The following AKT3 variants were observed in gnomAD, a reference collection of about 807,000 sequenced individuals.
AKT3 encodes the protein RAC-gamma serine/threonine-protein kinase.
A neutral mutation model predicts 65.3 loss-of-function variants in AKT3; 15 were observed. The ratio of observed to expected loss-of-function variants is 0.23; its 90% CI spans 0.15 to 0.35. The LOEUF (loss-of-function observed/expected upper bound fraction) is 0.35. AKT3 is among the 10% of genes least tolerant of loss of function. AKT3 has a pLI of 1.00. For synonymous variants in AKT3, 206 were observed against 183.8 expected, an observed-to-expected ratio of 1.12 and a Z score of -0.98; for missense variants, 243 against 576.5, an observed-to-expected ratio of 0.42 and a Z score of 5.92.
intron 2 of AKT3, among the ~76,000 whole-genome samples, chr1:243,707,433 T>C (rs550763005): frequency 1.3e-5 from 2 of 152,142 alleles, no homozygotes; most frequent in South Asian, 2.1e-4. Flanking sequence ...AGTGAAAGAC[T>C]GACAATACCA....
intron 2 of AKT3, among the ~76,000 whole-genome samples, chr1:243,805,221 C>T (rs1257662122): frequency 5.3e-5 from 8 of 152,240 alleles, no homozygotes; most frequent in Admixed American, 3.9e-4. Flanking sequence ...ATTCTTCCTT[C>T]CCTCTGCTCA....
intron 6 of AKT3, among the ~76,000 whole-genome samples, chr1:243,619,353 A>G (rs1343933465): frequency 6.6e-6 from 1 of 152,146 alleles, no homozygotes; most frequent in Admixed American, 6.6e-5. Flanking sequence ...ACTTTTCTTT[A>G]TGCTGGAGAC....
At chr1:243,831,463 G>C (rs1324219028) in intron 2 of AKT3, among the ~76,000 whole-genome samples, 1 of 151,774 alleles carries the variant, frequency 6.6e-6, no homozygotes, top group Non-Finnish European at 1.5e-5. Flanking sequence ...AAGACAGAGG[G>C]GAAAAAACAT....
intron 2 of AKT3, chr1:243,808,341 T>C (rs958881390): frequency 6.6e-6 from 1 of 152,172 alleles, no homozygotes; most frequent in African/African-American, 2.4e-5. Flanking sequence ...TTAAAGGACC[T>C]GATGGAGCTG....
chr1:243,534,662 C>T (rs915928148), intron 12 of AKT3, among the ~76,000 whole-genome samples: 2 of 152,108 alleles, frequency 1.3e-5, no homozygotes, highest in African/African-American at 4.8e-5. Flanking sequence ...TCTCAGACCA[C>T]AATGAAATTA....
chr1:243,563,692 C>A, intron 10 of AKT3, 28 bp downstream of exon 10: 1 of 1,581,678 alleles, frequency 6.3e-7, no homozygotes, highest in Admixed American at 1.9e-5. Flanking sequence ...GTCAATGTTA[C>A]TTTCCTATTA....
intron 2 of AKT3, among the ~76,000 whole-genome samples, chr1:243,699,093 G>C (rs1285642002): frequency 1.3e-5 from 2 of 152,058 alleles, no homozygotes; most frequent in Non-Finnish European, 2.9e-5. Context: ...GAAAGTCCTA[G>C]CTTTTATGAG....
chr1:243,766,800 GAATA>G (rs1689857515), intron 2 of AKT3, among the ~76,000 whole-genome samples: 1 of 152,156 alleles, frequency 6.6e-6, no homozygotes, highest in Non-Finnish European at 1.5e-5. Flanking sequence ...TATTTTGAAG[GAATA>G]ATTAACAGTA....
chr1:243,658,162 A>C (rs1281962582), intron 4 of AKT3, among the ~76,000 whole-genome samples: 1 of 152,158 alleles, frequency 6.6e-6, no homozygotes, highest in Admixed American at 6.5e-5. Flanking sequence ...ACAAAACAGA[A>C]AACTACAGAA....
chr1:243,795,493 A>T (rs1405859286), intron 2 of AKT3, among the ~76,000 whole-genome samples: 2 of 78,596 alleles, frequency 2.5e-5, no homozygotes, highest in African/African-American at 9.6e-5. Context: ...TTTTTTTGAG[A>T]CGGAGTCTCG....
chr1:243,684,666 T>C (rs2147987873), intron 3 of AKT3, among the ~76,000 whole-genome samples: 1 of 152,332 alleles, frequency 6.6e-6, no homozygotes, highest in African/African-American at 2.4e-5. Context: ...CCTTTGGGTG[T>C]ATACCCAGTA....
chr1:243,617,010 T>C (rs1014518144), intron 6 of AKT3, among the ~76,000 whole-genome samples: 3 of 152,152 alleles, frequency 2.0e-5, no homozygotes, highest in Non-Finnish European at 4.4e-5. Flanking sequence ...AACTTACTGA[T>C]TTCCATATAC....
In AKT3 at chr1:243,658,006, A is replaced by G. The variant is rs557499134; in HGVS notation, c.284+6766T>C. Among the ~76,000 whole-genome samples the G allele has an allele frequency of 2.6e-5, 4 of 152,278 alleles. No individual in the cohort carries two copies. The East Asian group carries it at 5.8e-4, about 22-fold the overall frequency. On this transcript the variant is annotated intron_variant, in intron 4 of 13. Coordinates refer to ENST00000673466, the MANE Select transcript of AKT3 (RefSeq NM_005465.7). ...ATGGATCAAAGAATAAATATAAGAC[A>G]TGAAACTACAAACTCCTAGGAAAAA...
chr1:243,793,585 G>C (rs772813465), intron 2 of AKT3: 1 of 152,064 alleles, frequency 6.6e-6, no homozygotes, highest in Non-Finnish European at 1.5e-5. Flanking sequence ...ACCAGCCTGG[G>C]CAACACAGTG....
intron 8 of AKT3, among the ~76,000 whole-genome samples, chr1:243,580,341 T>C (rs1282999806): frequency 6.6e-6 from 1 of 152,174 alleles, no homozygotes; most frequent in African/African-American, 2.4e-5. Context: ...GAGAGCACTT[T>C]GTTTCTCCCA....
chr1:243,633,912 G>A (rs756727498), intron 6 of AKT3, among the ~76,000 whole-genome samples: 1 of 152,184 alleles, frequency 6.6e-6, no homozygotes, highest in Non-Finnish European at 1.5e-5. Flanking sequence ...CTGGGTAAAA[G>A]TGAAAGAGAA....
chr1:243,565,081 T>C (rs1223395364), intron 9 of AKT3, among the ~76,000 whole-genome samples: 2 of 152,218 alleles, frequency 1.3e-5, no homozygotes, highest in Non-Finnish European at 2.9e-5. Flanking sequence ...CAGACAAAAG[T>C]CCTTTTTTAT....
chr1:243,776,993 A>G (rs1197017480), intron 2 of AKT3, among the ~76,000 whole-genome samples: 1 of 152,238 alleles, frequency 6.6e-6, no homozygotes, highest in Non-Finnish European at 1.5e-5. Flanking sequence ...ATACAATGTA[A>G]TAAGTGTTAC....
chr1:243,508,655 C>CTTT (rs369887012), intron 13 of AKT3, among the ~76,000 whole-genome samples: 13 of 108,314 alleles, frequency 1.2e-4, no homozygotes, highest in African/African-American at 6.4e-4. Context: ...AAAAGCCAGA[C>CTTT]TTTTTTTTTT....
Sources: gnomAD v4.1 joint callset for allele counts (sites outside exome capture counted in the v4.1 genomes callset) on GRCh38, gnomAD v4.1.1 for gene constraint, MANE v1.5 for transcripts, NCBI Gene and HGNC (gene_info 2026-07-23, HGNC 2026-07-21) for gene names.